DLGAP2: variants seen among roughly 807,000 people sequenced by gnomAD.
The protein encoded by DLGAP2 is disks large-associated protein 2.
Under a neutral mutation model 100.3 loss-of-function variants are expected in DLGAP2, and 26 were observed. That is an observed-to-expected ratio of 0.26 (90% confidence interval 0.19 to 0.36). DLGAP2 has a LOEUF of 0.36. DLGAP2 is among the 10% of genes least tolerant of loss of function. The pLI is 1.00. For synonymous variants in DLGAP2, 886 were observed against 630.1 expected, an observed-to-expected ratio of 1.41 and a Z score of -6.08; for missense variants, 1,858 against 1,453.2, an observed-to-expected ratio of 1.28 and a Z score of -4.53.
intron 3 of DLGAP2, among the ~76,000 whole-genome samples, chr8:1,500,174 C>A (rs953135903): frequency 1.3e-5 from 2 of 152,356 alleles, no homozygotes; most frequent in East Asian, 1.9e-4. Context: ...CCATAAATAA[C>A]ATGTTTACAT....
At chr8:1,197,078 C>A (rs1189085737) in intron 2 of DLGAP2, among the ~76,000 whole-genome samples, 1 of 152,154 alleles carries the variant, frequency 6.6e-6, no homozygotes, top group Non-Finnish European at 1.5e-5. Context: ...ACAAATTCTC[C>A]TTTCTCCACC....
chr8:1,592,007 C>T (rs978324098), intron 6 of DLGAP2, among the ~76,000 whole-genome samples: 2 of 152,180 alleles, frequency 1.3e-5, no homozygotes, highest in Non-Finnish European at 2.9e-5. Flanking sequence ...AGCTTCATGC[C>T]TCCTGCCACA....
rs922940913 is a variant in DLGAP2 at position 950,608 on chromosome 8, CT to C, written c.73+42649del. Among the ~76,000 whole-genome samples the C allele has an allele frequency of 2.5e-3, 367 of 148,652 alleles. 2 individuals carry two copies. Among genetic ancestry groups the C allele is most frequent in the African/African-American group, 8.5e-3 (345 of 40,482 alleles). On this transcript the variant is annotated intron_variant, in intron 2 of 14. Coordinates refer to ENST00000637795, the MANE Select transcript of DLGAP2 (RefSeq NM_001346810.2). ...TTGTAGAAAAATTTGTAGAATATTT[CT>C]TTTTTTCTTTTTCTTTTTTTTTTTT... is the stretch of plus-strand genomic sequence containing the variant.
intron 2 of DLGAP2, among the ~76,000 whole-genome samples, chr8:1,135,183 T>C (rs1796378705): frequency 6.6e-6 from 1 of 152,228 alleles, no homozygotes; most frequent in Non-Finnish European, 1.5e-5. Context: ...GTATAGGCAC[T>C]TACCCTATAT....
At chr8:866,957 A>G (rs1797509733) in intron 1 of DLGAP2, among the ~76,000 whole-genome samples, 1 of 152,074 alleles carries the variant, frequency 6.6e-6, no homozygotes, top group African/African-American at 2.4e-5. Context: ...CATCCCTTAC[A>G]GGCTCACTGC....
chr8:1,470,128 C>A (rs1798739024), intron 3 of DLGAP2, among the ~76,000 whole-genome samples: 1 of 152,182 alleles, frequency 6.6e-6, no homozygotes, highest in South Asian at 2.1e-4. Flanking sequence ...TGCCACCGCA[C>A]TGCAGCCTGG....
chr8:1,348,401 C>T (rs1399891862), intron 3 of DLGAP2, among the ~76,000 whole-genome samples: 5 of 149,422 alleles, frequency 3.3e-5, no homozygotes, highest in Admixed American at 2.0e-4. Flanking sequence ...CACAGAGCTG[C>T]GCTGCTCTCA....
intron 2 of DLGAP2, among the ~76,000 whole-genome samples, chr8:1,064,566 C>A (rs17668154): frequency 0.31 from 47,838 of 152,088 alleles, 7,759 homozygotes; most frequent in South Asian, 0.36. Flanking sequence ...TTGTTGTTTT[C>A]TAAGGCAATA....
intron 1 of DLGAP2, among the ~76,000 whole-genome samples, chr8:871,518 G>C (rs372702351): frequency 3.9e-5 from 6 of 152,104 alleles, no homozygotes; most frequent in Non-Finnish European, 8.8e-5. Context: ...GTGAAATTTT[G>C]ATTGGGATTA....
intron 2 of DLGAP2, among the ~76,000 whole-genome samples, chr8:1,115,588 C>G (rs1304851829): frequency 1.3e-5 from 2 of 152,172 alleles, no homozygotes; most frequent in Admixed American, 6.5e-5. Flanking sequence ...TTTAAATGAT[C>G]TAAATACAGT....
intron 5 of DLGAP2, among the ~76,000 whole-genome samples, chr8:1,552,843 A>G (rs1801815695): frequency 6.6e-6 from 1 of 152,132 alleles, no homozygotes; most frequent in South Asian, 2.1e-4. Flanking sequence ...CTTGTTTTTA[A>G]GTAGGTCAAA....
intron 2 of DLGAP2, among the ~76,000 whole-genome samples, chr8:1,058,859 T>C (rs1204345096): frequency 2.0e-5 from 3 of 152,332 alleles, no homozygotes; most frequent in Non-Finnish European, 4.4e-5. Flanking sequence ...TGGACACCTG[T>C]GCGTGCTCGT....
chr8:1,646,668 A>T (rs1283434682), intron 8 of DLGAP2, among the ~76,000 whole-genome samples: 1 of 152,198 alleles, frequency 6.6e-6, no homozygotes, highest in African/African-American at 2.4e-5. Context: ...ATGTTCATTA[A>T]AATAAAGGCC....
At chr8:863,807 A>G (rs371445892) in intron 1 of DLGAP2, among the ~76,000 whole-genome samples, 4 of 152,118 alleles carry the variant, frequency 2.6e-5, no homozygotes, top group East Asian at 3.9e-4. Context: ...GCTATGGAAA[A>G]CAGTGTGGAG....
intron 1 of DLGAP2, among the ~76,000 whole-genome samples, chr8:897,365 A>G (rs80108376): frequency 0.12 from 18,881 of 152,204 alleles, 1,537 homozygotes; most frequent in Admixed American, 0.26. Flanking sequence ...ATGTATCTGC[A>G]TTGTAACTGG....
chr8:1,317,046 G>C (rs1800771321), intron 3 of DLGAP2, among the ~76,000 whole-genome samples: 1 of 121,544 alleles, frequency 8.2e-6, no homozygotes, highest in Non-Finnish European at 1.7e-5. Flanking sequence ...GCGTGTGCGA[G>C]TGCAGCGTCT....
At chr8:1,368,211 T>C (rs1353998653) in intron 3 of DLGAP2, among the ~76,000 whole-genome samples, 1 of 152,038 alleles carries the variant, frequency 6.6e-6, no homozygotes, top group Non-Finnish European at 1.5e-5. Context: ...TGTGTGTCCA[T>C]ATATCTGTGT....
At chr8:1,168,244 G>A (rs1447892953) in intron 2 of DLGAP2, among the ~76,000 whole-genome samples, 1 of 152,042 alleles carries the variant, frequency 6.6e-6, no homozygotes, top group Admixed American at 6.6e-5. Flanking sequence ...GTATTCCATG[G>A]TGTATAGGTG....
intron 3 of DLGAP2, among the ~76,000 whole-genome samples, chr8:1,491,651 C>G (rs1406296745): frequency 1.3e-5 from 2 of 152,174 alleles, no homozygotes; most frequent in Non-Finnish European, 2.9e-5. Flanking sequence ...AGATCTGAAA[C>G]AGGTTGTAGA....
Sources: allele counts gnomAD v4.1 joint callset (sites outside exome capture counted in the v4.1 genomes callset), GRCh38; gene constraint gnomAD v4.1.1; transcripts MANE v1.5; gene names NCBI Gene and HGNC (gene_info 2026-07-23, HGNC 2026-07-21).